FNIP1: variants seen among roughly 807,000 people sequenced by gnomAD.
FNIP1 encodes folliculin-interacting protein 1.
Under a neutral mutation model 124.5 loss-of-function variants are expected in FNIP1, and 40 were observed. The ratio of observed to expected loss-of-function variants is 0.32; its 90% CI spans 0.25 to 0.42. The LOEUF (loss-of-function observed/expected upper bound fraction) is 0.42. FNIP1 is among the 10% of genes least tolerant of loss of function. FNIP1 has a pLI of 1.00. For missense variants in FNIP1, 1,176 were observed against 1,403.7 expected (o/e 0.84, Z 2.59); for synonymous variants, 472 against 470.6 (o/e 1.00, Z -0.04).
chr5:131,669,459 A>C (rs1451241293), intron 15 of FNIP1, among the ~76,000 whole-genome samples: 1 of 152,060 alleles, frequency 6.6e-6, no homozygotes, highest in African/African-American at 2.4e-5. Flanking sequence ...GCAACACATA[A>C]AAAAAATTAT....
chr5:131,673,870 T>C (rs1767837766), intron 13 of FNIP1, among the ~76,000 whole-genome samples: 1 of 151,534 alleles, frequency 6.6e-6, no homozygotes, highest in African/African-American at 2.4e-5. Context: ...ACCCTGTACC[T>C]ACTAAAAATA....
chr5:131,737,301 C>T (rs1770345744), intron 2 of FNIP1, among the ~76,000 whole-genome samples: 1 of 152,194 alleles, frequency 6.6e-6, no homozygotes, highest in South Asian at 2.1e-4. Context: ...AGAGAAACAA[C>T]AGCTGAGGAG....
chr5:131,796,704 G>A, intron 1 of FNIP1, 126 bp downstream of exon 1: 1 of 851,896 alleles, frequency 1.2e-6, no homozygotes, highest in East Asian at 2.9e-5. Context: ...CCACCCCACC[G>A]AGGACCAGAT....
chr5:131,690,359 T>C (rs1768437452), intron 11 of FNIP1, among the ~76,000 whole-genome samples: 4 of 152,124 alleles, frequency 2.6e-5, no homozygotes, highest in Admixed American at 2.6e-4. Flanking sequence ...CCAAATCTCA[T>C]CTTGAATTGT....
chr5:131,647,495 G>C (rs1189694280), intron 16 of FNIP1, among the ~76,000 whole-genome samples: 4 of 150,002 alleles, frequency 2.7e-5, no homozygotes, highest in Admixed American at 6.7e-5. Flanking sequence ...TTGTTTTTGA[G>C]ATGGAGTCTT....
At chr5:131,724,543 T>C (rs1769790026) in intron 3 of FNIP1, among the ~76,000 whole-genome samples, 1 of 152,224 alleles carries the variant, frequency 6.6e-6, no homozygotes, top group Non-Finnish European at 1.5e-5. Context: ...CTTCACCTAC[T>C]TTTTGATGGG....
chr5:131,672,033 TGGTCC>T lies in FNIP1; in HGVS notation c.2406_2410del (p.Asp803IlefsTer5). ...GTTCTGTGTATCAGACTCTCCAGAT[TGGTCC>T]TTGGTTGTTTGTTTAGTTTCTTGAT... On this transcript the variant is annotated frameshift_variant, in exon 14 of 18. Coordinates refer to ENST00000510461, the MANE Select transcript of FNIP1 (RefSeq NM_133372.3). LOFTEE classifies it high-confidence loss of function. 6.2e-7 allele frequency: 1 copy of T among 1,614,176 alleles called. No individual in the cohort carries two copies. The highest frequency in any genetic ancestry group is 1.7e-5 in the Admixed American group (1 of 60,016).
chr5:131,709,278 A>C lies in FNIP1; in HGVS notation c.707-6T>G, dbSNP rs1222891662. On this transcript the variant is annotated splice_polypyrimidine_tract_variant and splice_region_variant and intron_variant, in intron 7 of 17. Coordinates refer to ENST00000510461, the MANE Select transcript of FNIP1 (RefSeq NM_133372.3). ...GTCCATTGGGTTGCTGTGAACTATA[A>C]ATAAAGATGAAACTGTCAGTTATAA... The C allele has an allele frequency of 1.9e-6, 3 of 1,612,144 alleles. No homozygotes were observed. Among genetic ancestry groups the C allele is most frequent in the Non-Finnish European group, 2.5e-6 (3 of 1,178,380 alleles).
intron 1 of FNIP1, among the ~76,000 whole-genome samples, chr5:131,770,991 GGTTA>G (rs1771614411): frequency 6.6e-6 from 1 of 152,048 alleles, no homozygotes; most frequent in African/African-American, 2.4e-5. Flanking sequence ...ACATTGTGCA[GGTTA>G]GTTACATACG....
chr5:131,763,983 T>A (rs867348826), intron 1 of FNIP1, among the ~76,000 whole-genome samples: 1 of 152,116 alleles, frequency 6.6e-6, no homozygotes, highest in Non-Finnish European at 1.5e-5. Flanking sequence ...ATGATGGGGA[T>A]GAGTTTCTCA....
intron 1 of FNIP1, among the ~76,000 whole-genome samples, chr5:131,758,313 C>G (rs1273281913): frequency 1.3e-5 from 2 of 152,190 alleles, no homozygotes; most frequent in African/African-American, 4.8e-5. Context: ...TTCTTTTCAC[C>G]TGTAGCCCTA....
In FNIP1 at chr5:131,672,224, A is replaced by C. The variant is rs929168642; in HGVS notation, c.2220T>G (p.Ala740=). 3.1e-6 allele frequency: 5 copies of C among 1,614,090 alleles called. No individual in the cohort carries two copies. The African/African-American group carries it at 5.3e-5, about 17-fold the overall frequency. ...TCTGGGCAGCCTCACAAGAAAATGA[A>C]GCAGGCACAATCTTATCTGGAGGTT... The part of the protein sequence containing the change: ...EKKPPDKIVP[A]SFSCEAAQTK... Residue 740 remains alanine, a synonymous_variant, in exon 14 of 18, where the codon GCT becomes GCG. Transcript: ENST00000510461.
intron 8 of FNIP1, 95 bp downstream of exon 8, chr5:131,709,106 A>G (rs1769208243): frequency 1.0e-6 from 1 of 960,910 alleles, no homozygotes; most frequent in South Asian, 1.4e-5. Context: ...GCTAATATCA[A>G]TATGAACAAA....
intron 2 of FNIP1, among the ~76,000 whole-genome samples, chr5:131,735,292 C>T (rs1770251426): frequency 6.6e-6 from 1 of 151,968 alleles, no homozygotes; most frequent in South Asian, 2.1e-4. Context: ...GGGAACATCA[C>T]ACACCAGGGC....
chr5:131,725,828 T>C (rs1338917445), intron 3 of FNIP1, among the ~76,000 whole-genome samples: 1 of 152,210 alleles, frequency 6.6e-6, no homozygotes, highest in Non-Finnish European at 1.5e-5. Flanking sequence ...ATACTGGCTA[T>C]GGGTTTGTCA....
intron 6 of FNIP1, among the ~76,000 whole-genome samples, 159 bp from the exon 7 acceptor site, chr5:131,710,820 T>C (rs1403539165): frequency 2.6e-5 from 4 of 152,252 alleles, no homozygotes; most frequent in African/African-American, 9.6e-5. Flanking sequence ...TTTCCCATTT[T>C]TGAAACAGGA....
intron 13 of FNIP1, among the ~76,000 whole-genome samples, chr5:131,676,479 C>T (rs569080232): frequency 6.6e-6 from 1 of 151,940 alleles, no homozygotes; most frequent in Non-Finnish European, 1.5e-5. Flanking sequence ...TGTGTTGGGC[C>T]AGGTGTGGTG....
intron 10 of FNIP1, 126 bp from the exon 11 acceptor site, chr5:131,699,128 ATAAAGAAAG>A: frequency 1.7e-6 from 1 of 596,722 alleles, no homozygotes; most frequent in Non-Finnish European, 2.7e-6. Flanking sequence ...CGAGAAAGAA[ATAAAGAAAG>A]TAAATGCATT....
chr5:131,685,148 T>C (rs558947052), intron 11 of FNIP1, among the ~76,000 whole-genome samples: 5 of 152,264 alleles, frequency 3.3e-5, no homozygotes, highest in Admixed American at 2.0e-4. Context: ...ATCCCAGTAC[T>C]GTGGGTGGTT....
Sources: allele counts gnomAD v4.1 joint callset (sites outside exome capture counted in the v4.1 genomes callset), GRCh38; gene constraint gnomAD v4.1.1; transcripts MANE v1.5; gene names NCBI Gene and HGNC (gene_info 2026-07-23, HGNC 2026-07-21).